The following ARHGAP28 variants were observed in gnomAD, a reference collection of about 807,000 sequenced individuals.
ARHGAP28 encodes the protein Rho GTPase activating protein 28.
Under a neutral mutation model 90.7 loss-of-function variants are expected in ARHGAP28, and 56 were observed. That is an observed-to-expected ratio of 0.62 (90% CI 0.50 to 0.77). The LOEUF is 0.77. ARHGAP28 is among the 30% of genes least tolerant of loss of function. The probability of loss-of-function intolerance (pLI) is 0.00; values close to 1 mark genes in which losing one functional copy is unlikely to be tolerated. For synonymous variants in ARHGAP28, 308 were observed against 323.3 expected (o/e 0.95, Z 0.51); for missense variants, 869 against 900.9 (o/e 0.96, Z 0.45).
At chr18:6,796,576 C>G (rs1294769618) in intron 1 of ARHGAP28, among the ~76,000 whole-genome samples, 4 of 152,018 alleles carry the variant, frequency 2.6e-5, no homozygotes, top group Non-Finnish European at 5.9e-5. Flanking sequence ...GATTGGGTAA[C>G]CAATAAACTG....
intron 1 of ARHGAP28, among the ~76,000 whole-genome samples, chr18:6,770,388 A>G (rs567267163): frequency 5.3e-5 from 8 of 152,362 alleles, no homozygotes; most frequent in African/African-American, 9.6e-5. Flanking sequence ...CAATAAAGCA[A>G]TTCTACAGGA....
intron 1 of ARHGAP28, among the ~76,000 whole-genome samples, chr18:6,741,163 T>G (rs926728804): frequency 6.6e-6 from 1 of 151,768 alleles, no homozygotes; most frequent in East Asian, 1.9e-4. Flanking sequence ...ATTAGCATCT[T>G]AAAAAAAAAT....
rs1001179761 is a variant in ARHGAP28, at chr18:6,824,969, G to C, written c.325+5G>C. On this transcript the variant is annotated splice_donor_5th_base_variant and intron_variant, in intron 2 of 17. Transcript: ENST00000383472. ...CTGAGGTCACACCTGTGGATGGTAA[G>C]TTGCTGGATTTGTCTTCCTATGTGC... 4 of 1,527,378 alleles carry C rather than the reference G, an allele frequency of 2.6e-6. No homozygotes were observed. Among genetic ancestry groups the C allele is most frequent in the Admixed American group, 2.0e-5 (1 of 49,800 alleles). 94.6% of individuals were successfully genotyped at this position (1,527,378 alleles called of 1,614,324 possible).
intron 1 of ARHGAP28, among the ~76,000 whole-genome samples, chr18:6,821,067 A>T (rs983542178): frequency 6.6e-6 from 1 of 152,198 alleles, no homozygotes; most frequent in Non-Finnish European, 1.5e-5. Context: ...GGGGATGTAA[A>T]CATCTGAGGG....
chr18:6,768,837 C>G (rs750612361), intron 1 of ARHGAP28, among the ~76,000 whole-genome samples: 4 of 152,096 alleles, frequency 2.6e-5, no homozygotes, highest in Admixed American at 6.5e-5. Context: ...GGCGGTTCAT[C>G]CGGGTGGAAA....
chr18:6,825,451 CTTGTA>C (rs533490825), intron 2 of ARHGAP28, among the ~76,000 whole-genome samples: 1 of 152,148 alleles, frequency 6.6e-6, no homozygotes, highest in Non-Finnish European at 1.5e-5. Flanking sequence ...ATTAGATTGT[CTTGTA>C]TTCCACCAAA....
In ARHGAP28 at chr18:6,840,714, T is replaced by C. The variant is rs942082665; in HGVS notation, c.543+3300T>C. Reference sequence around the variant, plus strand: ...GCTGAAGTCTCAGTTCTAGAGAGAATTGAGAATGGGGACTAAGGAAGTGGG... The same window carrying C: ...GCTGAAGTCTCAGTTCTAGAGAGAACTGAGAATGGGGACTAAGGAAGTGGG... On this transcript the variant is annotated intron_variant, in intron 3 of 17. Coordinates refer to ENST00000383472, the MANE Select transcript of ARHGAP28 (RefSeq NM_001366230.1). 1.4e-4 allele frequency among the ~76,000 whole-genome samples: 21 copies of C among 152,172 alleles called. 2 individuals are homozygous for C. The highest frequency in any genetic ancestry group is 6.5e-4 in the Admixed American group (10 of 15,278).
intron 3 of ARHGAP28, among the ~76,000 whole-genome samples, chr18:6,841,190 T>TCCTCTCTCTCTC (rs1170695647): frequency 1.5e-5 from 1 of 66,540 alleles, no homozygotes; most frequent in Non-Finnish European, 2.8e-5. Context: ...CCTCTCTCTC[T>TCCTCTCTCTCTC]CTCTCTCTCT....
intron 1 of ARHGAP28, among the ~76,000 whole-genome samples, chr18:6,774,494 C>A (rs2056268206): frequency 6.6e-6 from 1 of 151,980 alleles, no homozygotes; most frequent in Non-Finnish European, 1.5e-5. Context: ...CAAGTTAAGT[C>A]CTATTAGTAA....
At chr18:6,750,182 A>G (rs942079940) in intron 1 of ARHGAP28, among the ~76,000 whole-genome samples, 1 of 152,172 alleles carries the variant, frequency 6.6e-6, no homozygotes, top group African/African-American at 2.4e-5. Context: ...TACATGTATT[A>G]AAGCCCCTAG....
At chr18:6,815,121 A>G (rs2143711016) in intron 1 of ARHGAP28, among the ~76,000 whole-genome samples, 1 of 152,350 alleles carries the variant, frequency 6.6e-6, no homozygotes, top group Middle Eastern at 3.4e-3. Flanking sequence ...CAAAATCAAT[A>G]TATATGTCAA....
intron 1 of ARHGAP28, among the ~76,000 whole-genome samples, chr18:6,778,305 A>G (rs536398067): frequency 3.3e-5 from 5 of 152,312 alleles, no homozygotes; most frequent in Admixed American, 6.5e-5. Context: ...TTCATGTAAA[A>G]TGTCCTGGAA....
intron 17 of ARHGAP28, among the ~76,000 whole-genome samples, chr18:6,911,120 C>A (rs375359894): frequency 1.3e-5 from 2 of 152,158 alleles, no homozygotes; most frequent in Non-Finnish European, 2.9e-5. Flanking sequence ...AGGCGTGAGC[C>A]ACCGCGCTCG....
rs773410063 is a variant in ARHGAP28 at position 6,909,481 on chromosome 18, C to T, written c.2095+457C>T. Among the ~76,000 whole-genome samples the T allele has an allele frequency of 5.3e-5, 8 of 151,542 alleles. 1 individual carries two copies. The highest frequency in any genetic ancestry group is 7.4e-5 in the Non-Finnish European group (5 of 67,892). On this transcript the variant is annotated intron_variant, in intron 17 of 17. Transcript: ENST00000383472. The stretch of plus-strand genomic sequence containing the variant: ...ACAATTTTTATATTTTTAGTAGAGA[C>T]GGGGTTTCACCATGTTGGCCAGGCT...
intron 1 of ARHGAP28, among the ~76,000 whole-genome samples, chr18:6,751,687 G>T (rs982626190): frequency 2.0e-5 from 3 of 152,194 alleles, no homozygotes; most frequent in East Asian, 3.9e-4. Context: ...CTCTACGGGG[G>T]TGTCCACCCC....
intron 16 of ARHGAP28, among the ~76,000 whole-genome samples, chr18:6,899,936 G>T (rs988013554): frequency 2.0e-5 from 3 of 152,108 alleles, no homozygotes; most frequent in African/African-American, 7.2e-5. Flanking sequence ...TTGACACTCT[G>T]CTTCCTCCCC....
chr18:6,749,595 A>G (rs2056052777), intron 1 of ARHGAP28, among the ~76,000 whole-genome samples: 1 of 152,154 alleles, frequency 6.6e-6, no homozygotes, highest in Non-Finnish European at 1.5e-5. Context: ...TTGTATTCTT[A>G]CCATTCCTTC....
chr18:6,851,000 C>T (rs758011868), intron 3 of ARHGAP28, 34 bp from the exon 4 acceptor site: 4 of 1,606,782 alleles, frequency 2.5e-6, no homozygotes, highest in Non-Finnish European at 3.4e-6. Context: ...GAAAGATATG[C>T]CTGGATAAAC....
intron 6 of ARHGAP28, among the ~76,000 whole-genome samples, chr18:6,869,149 T>G (rs2057061395): frequency 6.6e-6 from 1 of 152,146 alleles, no homozygotes; most frequent in South Asian, 2.1e-4. Context: ...AAAGAGGCTC[T>G]TTATAGATCC....
Sources: allele counts gnomAD v4.1 joint callset (sites outside exome capture counted in the v4.1 genomes callset), GRCh38; gene constraint gnomAD v4.1.1; transcripts MANE v1.5; gene names NCBI Gene and HGNC (gene_info 2026-07-23, HGNC 2026-07-21).